CA10: variants seen among roughly 807,000 people sequenced by gnomAD.
CA10 encodes carbonic anhydrase-related protein 10.
Under a neutral mutation model 44.2 loss-of-function variants are expected in CA10, and 14 were observed. The observed-to-expected ratio is 0.32, with a 90% CI of 0.21 to 0.50. The LOEUF is 0.50. CA10 is among the 20% of genes least tolerant of loss of function. CA10 has a pLI of 0.99. For synonymous variants in CA10, 159 were observed against 141.6 expected (o/e 1.12, Z -0.87); for missense variants, 350 against 409.7 (o/e 0.85, Z 1.26).
At chr17:51,886,247 GAGA>G (rs1316144033) in intron 3 of CA10, among the ~76,000 whole-genome samples, 1 of 152,152 alleles carries the variant, frequency 6.6e-6, no homozygotes, top group Non-Finnish European at 1.5e-5. Context: ...AGATATAGAT[GAGA>G]AGGAGTGGCT....
intron 3 of CA10, among the ~76,000 whole-genome samples, chr17:51,751,407 G>T (rs766962175): frequency 1.3e-5 from 2 of 152,188 alleles, no homozygotes; most frequent in Admixed American, 6.5e-5. Flanking sequence ...ACTTAAAATG[G>T]TTAAGATGGT....
At chr17:51,822,000 C>T (rs943141607) in intron 3 of CA10, among the ~76,000 whole-genome samples, 1 of 152,184 alleles carries the variant, frequency 6.6e-6, no homozygotes, top group African/African-American at 2.4e-5. Context: ...TGATGACTTC[C>T]AGCACACACT....
chr17:52,029,912 A>G (rs1019723450), intron 2 of CA10, among the ~76,000 whole-genome samples: 5 of 152,244 alleles, frequency 3.3e-5, no homozygotes, highest in African/African-American at 1.2e-4. Flanking sequence ...ACATATGTAT[A>G]CATCTCACAC....
At chr17:51,703,255 C>T (rs929281613) in intron 4 of CA10, among the ~76,000 whole-genome samples, 3 of 152,128 alleles carry the variant, frequency 2.0e-5, no homozygotes, top group African/African-American at 7.2e-5. Context: ...TGATGACAAA[C>T]ATGTTTTCTT....
chr17:51,723,371 A>C (rs990354292), intron 4 of CA10, among the ~76,000 whole-genome samples: 2 of 152,154 alleles, frequency 1.3e-5, no homozygotes, highest in African/African-American at 4.8e-5. Flanking sequence ...TTGAAGCCAA[A>C]AGGTTCAAGA....
At chr17:51,788,178 A>G (rs183994266) in intron 3 of CA10, among the ~76,000 whole-genome samples, 3 of 152,094 alleles carry the variant, frequency 2.0e-5, no homozygotes, top group Admixed American at 6.5e-5. Context: ...ATTTTTTTCA[A>G]TTTCCTTCTG....
At chr17:51,876,245 C>A (rs61452163) in intron 3 of CA10, among the ~76,000 whole-genome samples, 14,341 of 144,002 alleles carry the variant, frequency 0.1, 890 homozygotes, top group African/African-American at 0.18. Flanking sequence ...CAGCTCACTG[C>A]AGCCTGGACC....
At chr17:51,772,667 A>AT (rs11293158) in intron 3 of CA10, among the ~76,000 whole-genome samples, 200 of 149,218 alleles carry the variant, frequency 1.3e-3, no homozygotes, top group Non-Finnish European at 1.8e-3. Flanking sequence ...AGAGAGAAGC[A>AT]TTTTTTTTTT....
intron 4 of CA10, among the ~76,000 whole-genome samples, chr17:51,664,862 AT>A (rs1567794710): frequency 6.6e-6 from 1 of 152,168 alleles, no homozygotes; most frequent in African/African-American, 2.4e-5. Context: ...GAGGAATGTG[AT>A]TTTTCAAATA....
At chr17:51,856,791 A>AG (rs1979065458) in intron 3 of CA10, among the ~76,000 whole-genome samples, 1 of 152,174 alleles carries the variant, frequency 6.6e-6, no homozygotes, top group South Asian at 2.1e-4. Flanking sequence ...AAGTTGAATC[A>AG]GGGGGCTTAT....
intron 3 of CA10, among the ~76,000 whole-genome samples, chr17:51,841,107 C>T (rs891082533): frequency 1.3e-5 from 2 of 152,108 alleles, no homozygotes; most frequent in Admixed American, 1.3e-4. Flanking sequence ...TATGCCAAGT[C>T]CCTTTTGTTT....
intron 3 of CA10, among the ~76,000 whole-genome samples, chr17:51,873,365 A>G (rs1979905134): frequency 1.3e-5 from 2 of 152,126 alleles, no homozygotes; most frequent in Non-Finnish European, 1.5e-5. Flanking sequence ...TATTTTTCCT[A>G]TAAAGAATTG....
chr17:52,082,791 TAAG>T (rs1022394857), intron 1 of CA10, among the ~76,000 whole-genome samples: 18 of 152,216 alleles, frequency 1.2e-4, no homozygotes, highest in Non-Finnish European at 2.5e-4. Context: ...ATAGGCAACT[TAAG>T]AAGCATCATT....
intron 4 of CA10, among the ~76,000 whole-genome samples, chr17:51,665,561 G>T (rs1009288963): frequency 6.6e-6 from 1 of 152,218 alleles, no homozygotes; most frequent in Non-Finnish European, 1.5e-5. Flanking sequence ...TGCATTCTGA[G>T]AAATGTGTTA....
At chr17:51,812,839 T>G (rs577114931) in intron 3 of CA10, among the ~76,000 whole-genome samples, 102 of 152,262 alleles carry the variant, frequency 6.7e-4, no homozygotes, top group Non-Finnish European at 1.3e-3. Context: ...AGGGGAGGAT[T>G]GCTGACAGCA....
chr17:51,726,957 T>C (rs973925625), intron 4 of CA10, among the ~76,000 whole-genome samples: 2 of 152,198 alleles, frequency 1.3e-5, no homozygotes, highest in African/African-American at 4.8e-5. Context: ...GCCTGCTGGT[T>C]TCATCAGCTG....
chr17:51,911,637 G>C (rs1303416574), intron 3 of CA10, among the ~76,000 whole-genome samples: 2 of 152,218 alleles, frequency 1.3e-5, no homozygotes, highest in East Asian at 3.9e-4. Context: ...AGCTACAGAA[G>C]GAGTCTGAAA....
chr17:52,065,762 G>A (rs1349368492), intron 2 of CA10, among the ~76,000 whole-genome samples: 10 of 152,160 alleles, frequency 6.6e-5, no homozygotes, highest in Admixed American at 5.9e-4. Context: ...TTGCACTAGT[G>A]AACATTCTCT....
At chr17:52,073,177 G>A (rs1278025759) in intron 1 of CA10, among the ~76,000 whole-genome samples, 1 of 152,086 alleles carries the variant, frequency 6.6e-6, no homozygotes, top group African/African-American at 2.4e-5. Flanking sequence ...AATCATATTT[G>A]TAATTTGGCT....
Sources: allele counts gnomAD v4.1 joint callset (sites outside exome capture counted in the v4.1 genomes callset), GRCh38; gene constraint gnomAD v4.1.1; transcripts MANE v1.5; gene names NCBI Gene and HGNC (gene_info 2026-07-23, HGNC 2026-07-21).